The following PCDHGA6 variants were observed in gnomAD, a reference collection of about 807,000 sequenced individuals.
The protein encoded by PCDHGA6 is protocadherin gamma-A6.
A neutral mutation model predicts 60.6 loss-of-function variants in PCDHGA6; 41 were observed. The observed-to-expected ratio is 0.68, with a 90% CI of 0.53 to 0.88. PCDHGA6 has a LOEUF of 0.88. Ranked by LOEUF, PCDHGA6 falls within the 40% of genes least tolerant of loss-of-function variation. The probability of loss-of-function intolerance (pLI) is 0.00; values close to 1 mark genes in which losing one functional copy is unlikely to be tolerated. For synonymous variants in PCDHGA6, 594 were observed against 524.4 expected (o/e 1.13, Z -1.81); for missense variants, 1,312 against 1,203.0 (o/e 1.09, Z -1.34).
At chr5:141,422,705 C>A in intron 1 of PCDHGA6, 1 of 1,602,702 alleles carries the variant, frequency 6.2e-7, no homozygotes, top group East Asian at 2.2e-5. Flanking sequence ...TACTCTCTGA[C>A]GGATGACACT....
Position 141,375,835 on chromosome 5 carries a change from C to A in PCDHGA6, c.1752C>A (p.Pro584=), listed in dbSNP as rs772317330. The A allele has an allele frequency of 1.4e-5, 22 of 1,613,984 alleles. No homozygotes were observed. Among genetic ancestry groups the A allele is most frequent in the Admixed American group, 1.7e-5 (1 of 60,012 alleles). The change falls in exon 1 of 4, where the codon CCC becomes CCA. Residue 584 remains proline (P), a synonymous_variant. Coordinates refer to ENST00000517434, the MANE Select transcript of PCDHGA6 (RefSeq NM_018919.3). ...AGCTGGCGCCCCGCTCCGCAGAGCC[C>A]GGCTACCTGGTGACCAAGGTGGTGG... The part of the protein sequence containing the change: ...GVELAPRSAE[P]GYLVTKVVAV...
intron 1 of PCDHGA6, chr5:141,405,099 T>C: frequency 6.2e-7 from 1 of 1,613,942 alleles, no homozygotes; most frequent in East Asian, 2.2e-5. Flanking sequence ...GCCCTCAGGC[T>C]GAGGCACTGG....
chr5:141,388,396 A>C, intron 1 of PCDHGA6: 2 of 1,614,014 alleles, frequency 1.2e-6, no homozygotes, highest in Non-Finnish European at 1.7e-6. Flanking sequence ...CAGAATTACC[A>C]ACTCAGTCCC....
chr5:141,413,435 G>T lies in PCDHGA6; in HGVS notation c.2424+36928G>T, dbSNP rs1018097924. 17 of 1,614,004 alleles carry T rather than the reference G, an allele frequency of 1.1e-5. No homozygotes were observed. The African/African-American group carries it at 2.1e-4, about 20-fold the overall frequency. On this transcript the variant is annotated intron_variant, in intron 1 of 3. Coordinates refer to ENST00000517434, the MANE Select transcript of PCDHGA6 (RefSeq NM_018919.3). Reference sequence around the variant, plus strand: ...TTCTCTCTGAACCCGCGCAGCGGCAGCTTGATCACCGCGGGCAGGATAGAC... The same window carrying T: ...TTCTCTCTGAACCCGCGCAGCGGCATCTTGATCACCGCGGGCAGGATAGAC...
At chr5:141,429,105 C>G (rs936114624) in intron 1 of PCDHGA6, 1 of 152,318 alleles carries the variant, frequency 6.6e-6, no homozygotes, top group Non-Finnish European at 1.5e-5. Flanking sequence ...CTGCCCGCCT[C>G]GGCCTCCCAA....
Position 141,375,942 on chromosome 5 carries a change from G to T in PCDHGA6, c.1859G>T (p.Gly620Val). ...KASEPGLFSV[G>V]LHTGEVRTAR... ...AGCGAGCCAGGACTTTTCTCAGTGG[G>T]CCTGCACACGGGCGAGGTGCGCACG... Residue 620 changes from glycine to valine, a missense_variant, in exon 1 of 4, where the codon GGC becomes GTC. Physicochemically the swap from Gly to Val is moderately radical, Grantham distance 109. Coordinates refer to ENST00000517434, the MANE Select transcript of PCDHGA6 (RefSeq NM_018919.3). 4 of 1,613,518 alleles carry T rather than the reference G, an allele frequency of 2.5e-6. No individual in the cohort carries two copies. Among genetic ancestry groups the T allele is most frequent in the Non-Finnish European group, 2.5e-6 (3 of 1,179,960 alleles).
intron 1 of PCDHGA6, chr5:141,423,665 G>A: frequency 6.6e-7 from 1 of 1,512,226 alleles, no homozygotes; most frequent in Non-Finnish European, 8.9e-7. Flanking sequence ...AATCAGGTGA[G>A]ATTTATTTCT....
At chr5:141,473,272 A>G (rs2099318396) in intron 1 of PCDHGA6, among the ~76,000 whole-genome samples, 1 of 152,182 alleles carries the variant, frequency 6.6e-6, no homozygotes, top group African/African-American at 2.4e-5. Flanking sequence ...GTATGCTATG[A>G]TTATTTTACT....
At chr5:141,510,272 TAA>T (rs546154379) in intron 3 of PCDHGA6, among the ~76,000 whole-genome samples, 46 of 130,286 alleles carry the variant, frequency 3.5e-4, no homozygotes, top group South Asian at 5.0e-4. Context: ...GACTCCATCT[TAA>T]AAAAAAAAAA....
chr5:141,375,062 C>G lies in PCDHGA6; in HGVS notation c.979C>G (p.Leu327Val). Residue 327 changes from leucine to valine, a missense_variant, in exon 1 of 4, where the codon CTT becomes GTT. Coordinates refer to ENST00000517434, the MANE Select transcript of PCDHGA6 (RefSeq NM_018919.3). ...TGTTGAAGCCCGGGATGGGCCAGGT[C>G]TTCGAGACAGAGCGAAAGTCTTAAT... is the stretch of plus-strand genomic sequence containing the variant. ...LGVEARDGPG[L>V]RDRAKVLITI... 1 of 1,613,996 alleles carries G rather than the reference C, an allele frequency of 6.2e-7. No individual in the cohort carries two copies. The highest frequency in any genetic ancestry group is 8.5e-7 in the Non-Finnish European group (1 of 1,179,890).
At chr5:141,415,129 G>C in intron 1 of PCDHGA6, 1 of 1,613,656 alleles carries the variant, frequency 6.2e-7, no homozygotes, top group African/African-American at 1.3e-5. Flanking sequence ...GGCCGTCCAG[G>C]ACCACGGCCA....
In PCDHGA6 at chr5:141,394,672, G is replaced by A. The variant is rs1407775660; in HGVS notation, c.2424+18165G>A. 4 of 1,612,088 alleles carry A rather than the reference G, an allele frequency of 2.5e-6. No individual in the cohort carries two copies. In the African/African-American group the frequency reaches 5.4e-5, roughly 22 times the overall value. On this transcript the variant is annotated intron_variant, in intron 1 of 3. Transcript: ENST00000517434. Reference sequence around the variant, plus strand: ...AGCGAGCCGGGACTCTTCTCGGTGGGTCTGCACACGGGCGAGGTGCGCACG... The same window carrying A: ...AGCGAGCCGGGACTCTTCTCGGTGGATCTGCACACGGGCGAGGTGCGCACG...
At chr5:141,498,830 G>T (rs2099786149) in intron 2 of PCDHGA6, among the ~76,000 whole-genome samples, 1 of 152,080 alleles carries the variant, frequency 6.6e-6, no homozygotes, top group Non-Finnish European at 1.5e-5. Context: ...CTACTCAGGA[G>T]GCTGAGGCAG....
At position 141,494,852 on chromosome 5, in the gene PCDHGA6, C is replaced by T. The variant is rs755464933; in HGVS notation, c.2470C>T (p.Pro824Ser). ...TDWRFSQAQR[P>S]GTSGSQNGDD... is the part of the protein sequence containing the mutation. Reference sequence around the variant, plus strand: ...CTGGCGTTTCTCTCAGGCCCAGAGACCCGGCACCAGCGGGTAGGTGACTGA... The same window carrying T: ...CTGGCGTTTCTCTCAGGCCCAGAGATCCGGCACCAGCGGGTAGGTGACTGA... The change falls in exon 2 of 4, where the codon CCC (proline) becomes TCC (serine). Residue 824 changes from proline (P) to serine (S), a missense_variant. Coordinates refer to ENST00000517434, the MANE Select transcript of PCDHGA6 (RefSeq NM_018919.3). 6 of 1,614,042 alleles carry T rather than the reference C, an allele frequency of 3.7e-6. No homozygotes were observed. Among genetic ancestry groups the T allele is most frequent in the Admixed American group, 1.7e-5 (1 of 60,000 alleles).
At position 141,399,508 on chromosome 5, in the gene PCDHGA6, A is replaced by C. The variant is rs780948105; in HGVS notation, c.2424+23001A>C. ...CTACTTAGTCAGTGTACCCGAAAAC[A>C]ACCCTCCTGGGGCCTCCATCGCGCA... On this transcript the variant is annotated intron_variant, in intron 1 of 3. Coordinates refer to ENST00000517434, the MANE Select transcript of PCDHGA6 (RefSeq NM_018919.3). 3.2e-5 allele frequency: 51 copies of C among 1,613,904 alleles called. No homozygotes were observed. In the African/African-American group the frequency reaches 6.7e-4, roughly 21 times the overall value.
chr5:141,413,636 T>G, intron 1 of PCDHGA6: 2 of 1,613,876 alleles, frequency 1.2e-6, no homozygotes, highest in South Asian at 2.2e-5. Context: ...GCTGCGGGAA[T>G]GCGTTTTCCT....
At chr5:141,382,663 G>T (rs1236015442) in intron 1 of PCDHGA6, 1 of 419,258 alleles carries the variant, frequency 2.4e-6, no homozygotes, top group African/African-American at 2.0e-5. Context: ...GACTCACAGC[G>T]CCGCTGTTCA....
rs756361613 is a variant in PCDHGA6 at position 141,392,855 on chromosome 5, C to G, written c.2424+16348C>G. 3.1e-6 allele frequency: 5 copies of G among 1,612,176 alleles called. No individual in the cohort carries two copies. The highest frequency in any genetic ancestry group is 3.3e-4 in the Middle Eastern group (2 of 6,050). Reference sequence around the variant, plus strand: ...GTCGCCCCAGACGCGGCGAGCTGATCCTGCTGTGCGCGCTGCTGGGAACGC... The same window carrying G: ...GTCGCCCCAGACGCGGCGAGCTGATGCTGCTGTGCGCGCTGCTGGGAACGC... On this transcript the variant is annotated intron_variant, in intron 1 of 3. Coordinates refer to ENST00000517434, the MANE Select transcript of PCDHGA6 (RefSeq NM_018919.3).
At chr5:141,455,740 G>C (rs2098830344) in intron 1 of PCDHGA6, among the ~76,000 whole-genome samples, 1 of 152,136 alleles carries the variant, frequency 6.6e-6, no homozygotes, top group Non-Finnish European at 1.5e-5. Context: ...GCATATCAAA[G>C]GTTGCTGGCC....
Sources: gnomAD v4.1 joint callset for allele counts (sites outside exome capture counted in the v4.1 genomes callset) on GRCh38, gnomAD v4.1.1 for gene constraint, MANE v1.5 for transcripts, NCBI Gene and HGNC (gene_info 2026-07-23, HGNC 2026-07-21) for gene names.